The following TET1 variants were observed in gnomAD, a reference collection of about 807,000 sequenced individuals.
TET1 encodes tet methylcytosine dioxygenase 1.
TET1 carries 13 observed loss-of-function variants against 148.7 expected under a neutral mutation model. The observed-to-expected ratio is 0.09, with a 90% CI of 0.06 to 0.14. TET1 has a LOEUF of 0.14. Among genes scored for constraint, TET1 ranks in the 10% least tolerant of loss-of-function variants. The pLI is 1.00. For synonymous variants in TET1, 907 were observed against 937.2 expected, an observed-to-expected ratio of 0.97 and a Z score of 0.59; for missense variants, 2,182 against 2,553.8, an observed-to-expected ratio of 0.85 and a Z score of 3.14.
At chr10:68,666,635 A>G (rs1357611849) in intron 6 of TET1, among the ~76,000 whole-genome samples, 1 of 152,206 alleles carries the variant, frequency 6.6e-6, no homozygotes, top group Non-Finnish European at 1.5e-5. Context: ...TACTACTTCT[A>G]CAAATAATAA....
At chr10:68,658,342 T>C (rs1486549570) in intron 6 of TET1, among the ~76,000 whole-genome samples, 2 of 152,128 alleles carry the variant, frequency 1.3e-5, no homozygotes, top group Admixed American at 6.5e-5. Context: ...CTTCACCATG[T>C]TGCCCAGGCT....
intron 3 of TET1, among the ~76,000 whole-genome samples, chr10:68,631,433 C>CTTCTTT (rs2054568399): frequency 9.0e-6 from 1 of 110,588 alleles, no homozygotes; most frequent in Non-Finnish European, 1.8e-5. Context: ...TTTCTTTCTT[C>CTTCTTT]TTTTTTTTTT....
rs145864577 is a variant in TET1 at position 68,567,342 on chromosome 10, G to T, written c.-122-4875G>T. Among the ~76,000 whole-genome samples the T allele has an allele frequency of 2.1e-3, 325 of 151,736 alleles. 2 individuals are homozygous for T. Among genetic ancestry groups the T allele is most frequent in the African/African-American group, 7.4e-3 (306 of 41,428 alleles). On this transcript the variant is annotated intron_variant, in intron 1 of 11. Transcript: ENST00000373644. The stretch of plus-strand genomic sequence containing the variant: ...CATGAAACTAAACAGTGGGTCCTAG[G>T]ATTACCTAGGTCAGTCAGTAATTTT...
rs982841344 is a variant in TET1, at chr10:68,560,396, G to A, written c.-469G>A. Among the ~76,000 whole-genome samples, 2 of 152,216 alleles carry A rather than the reference G, an allele frequency of 1.3e-5. No individual in the cohort carries two copies. The highest frequency in any genetic ancestry group is 2.9e-5 in the Non-Finnish European group (2 of 68,028). On this transcript the variant is annotated 5_prime_UTR_variant, in exon 1 of 12. In the 5' UTR this introduces an upstream ATG that the reference lacks. Coordinates refer to ENST00000373644, the MANE Select transcript of TET1 (RefSeq NM_030625.3). ...CTCCGGGGGGCTGACCTGGCGGGGA[G>A]TGGCCGCGCAGTCTGCTCCGGCGCC...
chr10:68,690,767 A>G (rs1205769550), intron 11 of TET1, 41 bp from the exon 12 acceptor site: 1 of 1,521,724 alleles, frequency 6.6e-7, no homozygotes, highest in African/African-American at 1.4e-5. Flanking sequence ...CCCTACCAAA[A>G]GTAATTTGTA....
intron 1 of TET1, among the ~76,000 whole-genome samples, chr10:68,563,971 C>T (rs925602608): frequency 6.6e-6 from 1 of 152,062 alleles, no homozygotes. Flanking sequence ...CAAGAACCAC[C>T]GCACCAGCCA....
intron 2 of TET1, among the ~76,000 whole-genome samples, chr10:68,584,636 GA>G (rs1207690510): frequency 6.6e-6 from 1 of 151,500 alleles, no homozygotes; most frequent in Non-Finnish European, 1.5e-5. Context: ...TTGAACCCAG[GA>G]GGCAAAGGTT....
intron 2 of TET1, among the ~76,000 whole-genome samples, chr10:68,577,310 G>T (rs1359835531): frequency 1.3e-5 from 2 of 152,044 alleles, no homozygotes; most frequent in East Asian, 3.9e-4. Context: ...GCCTCCCAAA[G>T]TGCTGGGATT....
chr10:68,666,120 A>AT (rs2055192352), intron 6 of TET1, among the ~76,000 whole-genome samples: 3 of 143,114 alleles, frequency 2.1e-5, no homozygotes, highest in African/African-American at 8.5e-5. Flanking sequence ...ATTTGTATAG[A>AT]ATTTTTTTTT....
At chr10:68,592,056 G>A (rs746091453) in intron 2 of TET1, among the ~76,000 whole-genome samples, 1 of 151,906 alleles carries the variant, frequency 6.6e-6, no homozygotes, top group Non-Finnish European at 1.5e-5. Flanking sequence ...GGTGGCTCAC[G>A]CCTGTAATCC....
intron 1 of TET1, among the ~76,000 whole-genome samples, chr10:68,561,644 A>G (rs1400456365): frequency 3.3e-5 from 5 of 151,388 alleles, no homozygotes; most frequent in African/African-American, 7.3e-5. Context: ...CGGCCGCACA[A>G]CCTACCGCCC....
intron 3 of TET1, among the ~76,000 whole-genome samples, chr10:68,602,958 G>T (rs2795886): frequency 6.6e-6 from 1 of 152,246 alleles, no homozygotes; most frequent in African/African-American, 2.4e-5. Flanking sequence ...AGCTTGATGT[G>T]TATAAAATTC....
intron 2 of TET1, among the ~76,000 whole-genome samples, chr10:68,587,579 T>A (rs2053874671): frequency 6.6e-6 from 1 of 152,204 alleles, no homozygotes; most frequent in Admixed American, 6.5e-5. Context: ...TGTTCTATTT[T>A]CTCTTCCTTT....
intron 11 of TET1, among the ~76,000 whole-genome samples, 184 bp downstream of exon 11, chr10:68,686,891 C>CT (rs777246216): frequency 0.019 from 2,726 of 144,688 alleles, 61 homozygotes; most frequent in African/African-American, 0.057. Context: ...TCGACTTATC[C>CT]TTTTTTTTTT....
At chr10:68,669,359 G>A (rs1488944900) in intron 7 of TET1, among the ~76,000 whole-genome samples, 28 of 151,608 alleles carry the variant, frequency 1.8e-4, no homozygotes, top group Non-Finnish European at 1.0e-4. Context: ...CGCCCAGGTT[G>A]AGTTGCGGTG....
intron 3 of TET1, chr10:68,632,431 T>C: frequency 6.2e-7 from 1 of 1,612,078 alleles, no homozygotes; most frequent in East Asian, 2.2e-5. Context: ...GCTCCTAGGA[T>C]TTTTAGATGT....
intron 3 of TET1, among the ~76,000 whole-genome samples, chr10:68,633,866 C>T (rs1421192189): frequency 2.0e-5 from 3 of 151,956 alleles, no homozygotes; most frequent in African/African-American, 7.3e-5. Context: ...GTTTGTAGTC[C>T]AAGGAATATT....
At chr10:68,584,399 G>A (rs1319719824) in intron 2 of TET1, among the ~76,000 whole-genome samples, 1 of 150,660 alleles carries the variant, frequency 6.6e-6, no homozygotes, top group African/African-American at 2.4e-5. Context: ...ATATGACAAT[G>A]TCTGTTAAAA....
intron 6 of TET1, among the ~76,000 whole-genome samples, chr10:68,662,882 C>T (rs1415292437): frequency 2.0e-5 from 3 of 152,168 alleles, no homozygotes; most frequent in Non-Finnish European, 4.4e-5. Context: ...GATCAAACCA[C>T]TGCACTCCAG....
Sources: gnomAD v4.1 joint callset for allele counts (sites outside exome capture counted in the v4.1 genomes callset) on GRCh38, gnomAD v4.1.1 for gene constraint, MANE v1.5 for transcripts, NCBI Gene and HGNC (gene_info 2026-07-23, HGNC 2026-07-21) for gene names.